SLC26A11: variants seen among roughly 807,000 people sequenced by gnomAD.
SLC26A11 encodes solute carrier family 26 member 11.
In SLC26A11, 58 loss-of-function variants were observed where a neutral mutation model predicts 62.2. That is an observed-to-expected ratio of 0.93 (90% CI 0.76 to 1.16). SLC26A11 has a LOEUF of 1.16. Ranked by LOEUF, SLC26A11 falls within the 50% of genes most tolerant of loss-of-function variation. SLC26A11 has a pLI of 0.00. For missense variants in SLC26A11, 790 were observed against 794.3 expected (o/e 0.99, Z 0.06); for synonymous variants, 411 against 368.9 (o/e 1.11, Z -1.31).
intron 10 of SLC26A11, among the ~76,000 whole-genome samples, chr17:80,244,107 G>A (rs932183889): frequency 2.0e-5 from 3 of 152,194 alleles, no homozygotes; most frequent in Admixed American, 6.5e-5. Flanking sequence ...AGGCCGAGCC[G>A]CCTTGAGAGC....
chr17:80,239,392 T>C (rs1161258632), intron 9 of SLC26A11, among the ~76,000 whole-genome samples: 1 of 91,912 alleles, frequency 1.1e-5, no homozygotes, highest in Non-Finnish European at 2.1e-5. Flanking sequence ...CAGTAATTTC[T>C]TTTTTTTTTT....
Position 80,228,830 on chromosome 17 carries a change from G to A in SLC26A11, c.736+870G>A, listed in dbSNP as rs1022171151. On this transcript the variant is annotated intron_variant, in intron 7 of 17. Coordinates refer to ENST00000361193, the MANE Select transcript of SLC26A11 (RefSeq NM_001166347.2). This position sits in a 1 kb window ranked among gnomAD's most constrained non-coding sequence, Gnocchi z 4.1. The stretch of plus-strand genomic sequence containing the variant: ...GGGGTACAACTTCAGCTTCAGGCGC[G>A]GAGGCTGCAGGCTGAGCCACAACCA... Among the ~76,000 whole-genome samples the A allele has an allele frequency of 3.3e-5, 5 of 152,208 alleles. No homozygotes were observed. The highest frequency in any genetic ancestry group is 6.5e-5 in the Admixed American group (1 of 15,284).
Position 80,246,474 on chromosome 17 carries a change from A to G in SLC26A11, c.1154-35A>G. On this transcript the variant is annotated intron_variant, in intron 12 of 17. Transcript: ENST00000361193. This position sits in a 1 kb window ranked among gnomAD's most constrained non-coding sequence, Gnocchi z 4.4. ...ACGCTGCGTGCTGGGGGGACCCTGC[A>G]CTCCCGAGGTCACCTGTGTTCCCGT... 1 of 1,603,934 alleles carries G rather than the reference A, an allele frequency of 6.2e-7. No homozygotes were observed. Among genetic ancestry groups the G allele is most frequent in the African/African-American group, 1.3e-5 (1 of 74,864 alleles).
Position 80,249,137 on chromosome 17 carries a change from C to G in SLC26A11, c.1523-17C>G. ...CTGCTCTGGGTGGCGTGACCTGGCT[C>G]GGGCCTGTCTCCCCAGTGTCCCCGC... On this transcript the variant is annotated splice_polypyrimidine_tract_variant and intron_variant, in intron 15 of 17. Coordinates refer to ENST00000361193, the MANE Select transcript of SLC26A11 (RefSeq NM_001166347.2). 6.2e-7 allele frequency: 1 copy of G among 1,600,506 alleles called. No homozygotes were observed. Among genetic ancestry groups the G allele is most frequent in the Non-Finnish European group, 8.5e-7 (1 of 1,178,314 alleles).
chr17:80,226,422 C>T (rs374863813), intron 6 of SLC26A11, among the ~76,000 whole-genome samples: 2 of 152,048 alleles, frequency 1.3e-5, no homozygotes, highest in East Asian at 1.9e-4. Context: ...CTCTGATGGC[C>T]GGACACTGTG....
rs1388229265 is a variant in SLC26A11, at chr17:80,228,406, T to C, written c.736+446T>C. ...CCTCGGCCTCCCGAAGTGCTGGGATTACAGGCATGAGCCACCGCCCCGACC... is the reference window on the plus strand; with the variant it reads ...CCTCGGCCTCCCGAAGTGCTGGGATCACAGGCATGAGCCACCGCCCCGACC... On this transcript the variant is annotated intron_variant, in intron 7 of 17. Coordinates refer to ENST00000361193, the MANE Select transcript of SLC26A11 (RefSeq NM_001166347.2). This position sits in a 1 kb window ranked among gnomAD's most constrained non-coding sequence, Gnocchi z 4.1. Among the ~76,000 whole-genome samples the C allele has an allele frequency of 6.6e-6, 1 of 152,214 alleles. No individual in the cohort carries two copies.
intron 7 of SLC26A11, among the ~76,000 whole-genome samples, chr17:80,233,504 A>G (rs1355389993): frequency 6.6e-6 from 1 of 151,132 alleles, no homozygotes; most frequent in South Asian, 2.1e-4. Flanking sequence ...CCAGATTTCC[A>G]TCTGGTATAA....
intron 10 of SLC26A11, among the ~76,000 whole-genome samples, chr17:80,244,105 C>T (rs1409144398): frequency 6.6e-6 from 1 of 152,260 alleles, no homozygotes; most frequent in Non-Finnish European, 1.5e-5. Flanking sequence ...CCAGGCCGAG[C>T]CGCCTTGAGA....
intron 3 of SLC26A11, 57 bp downstream of exon 3, chr17:80,221,851 T>C (rs2042214386): frequency 6.7e-7 from 1 of 1,500,456 alleles, no homozygotes; most frequent in Non-Finnish European, 9.0e-7. Context: ...GAATACACAG[T>C]ATCAATCCCA....
At position 80,221,611 on chromosome 17, in the gene SLC26A11, G is replaced by A. The variant is rs2144852219; in HGVS notation, c.51G>A (p.Gly17=). The change falls in exon 3 of 18, where the codon GGG becomes GGA. Residue 17 remains glycine (G), a synonymous_variant. Transcript: ENST00000361193. The part of the protein sequence containing the change: ...ALGQARSSGP[G]MAPSACCCSP... ...GTCAGGCCAGGTCCTCTGGCCCCGG[G>A]ATGGCCCCGAGCGCCTGCTGCTGCT... The A allele has an allele frequency of 6.2e-7, 1 of 1,608,368 alleles. No homozygotes were observed. Among genetic ancestry groups the A allele is most frequent in the Non-Finnish European group, 8.5e-7 (1 of 1,179,656 alleles).
At position 80,249,250 on chromosome 17, in the gene SLC26A11, A is replaced by G; in HGVS notation, c.1619A>G (p.Gln540Arg). 1 of 1,611,584 alleles carries G rather than the reference A, an allele frequency of 6.2e-7. No homozygotes were observed. The highest frequency in any genetic ancestry group is 8.5e-7 in the Non-Finnish European group (1 of 1,180,000). The change falls in exon 16 of 18, where the codon CAG becomes CGG. Residue 540 changes from glutamine (Q) to arginine (R), a missense_variant. By Grantham distance (43) the Gln-to-Arg change is conservative. Coordinates refer to ENST00000361193, the MANE Select transcript of SLC26A11 (RefSeq NM_001166347.2). ...CTCGGCGAGCTCCTCCAGGACTTCC[A>G]GAAGCAGGGCGTCGCCCTGGCCTTT... ...LGLGELLQDF[Q>R]KQGVALAFVG...
intron 10 of SLC26A11, among the ~76,000 whole-genome samples, chr17:80,244,899 T>G (rs997626702): frequency 7.5e-6 from 1 of 133,342 alleles, no homozygotes; most frequent in African/African-American, 2.9e-5. Flanking sequence ...TCGCTTGAAC[T>G]GGGAGGCGGA....
intron 7 of SLC26A11, among the ~76,000 whole-genome samples, chr17:80,229,708 G>A (rs562280941): frequency 1.3e-5 from 2 of 152,238 alleles, no homozygotes; most frequent in East Asian, 3.9e-4. Context: ...GAGATTATAG[G>A]CGTGAGCCAC....
intron 1 of SLC26A11, 35 bp downstream of exon 1, chr17:80,220,531 A>G (rs1293900007): frequency 4.7e-6 from 2 of 427,338 alleles, no homozygotes; most frequent in Non-Finnish European, 8.1e-6. Context: ...GCGAGCGGGG[A>G]CCAGGGGCAG....
At chr17:80,227,626 T>C (rs2042446451) in intron 6 of SLC26A11, among the ~76,000 whole-genome samples, 192 bp from the exon 7 acceptor site, 1 of 152,244 alleles carries the variant, frequency 6.6e-6, no homozygotes, top group Admixed American at 6.5e-5. Context: ...GTTAAGTGTC[T>C]GTGAAATGGT....
chr17:80,243,040 A>AATGGTGGG (rs1333135400), intron 10 of SLC26A11, among the ~76,000 whole-genome samples: 2 of 152,282 alleles, frequency 1.3e-5, no homozygotes, highest in African/African-American at 2.4e-5. Flanking sequence ...ATCATAACTA[A>AATGGTGGG]ATGGTGGGTC....
At position 80,222,429 on chromosome 17, in the gene SLC26A11, C is replaced by T. The variant is rs9912360; in HGVS notation, c.235-226C>T. ...GACTTGGACACAGCACACGGGCCTG[C>T]ACCGACCCCTCTGCCTGGCTGTCTG... On this transcript the variant is annotated intron_variant, in intron 3 of 17. Coordinates refer to ENST00000361193, the MANE Select transcript of SLC26A11 (RefSeq NM_001166347.2). This position sits in a 1 kb window ranked among gnomAD's most constrained non-coding sequence, Gnocchi z 4.7. 240,760 of 572,898 alleles carry T rather than the reference C, an allele frequency of 0.42. 53,465 individuals are homozygous for T. Among genetic ancestry groups the T allele is most frequent in the African/African-American group, 0.64 (33,837 of 52,988 alleles). The allele number at this position is 572,898 out of a possible 1,614,324, so 35.5% of individuals were successfully genotyped here. A position where few individuals can be genotyped will look rare whatever the true frequency, so the allele number is the denominator to read the frequency against.
At chr17:80,221,273 A>C (rs769205791) in intron 2 of SLC26A11, 158 bp downstream of exon 2, 1 of 428,678 alleles carries the variant, frequency 2.3e-6, no homozygotes, top group African/African-American at 2.0e-5. Context: ...TCAGTTTCTT[A>C]TCTGGGAGAG....
At position 80,242,528 on chromosome 17, in the gene SLC26A11, T is replaced by C. The variant is rs559596590; in HGVS notation, c.1036+707T>C. ...GGGGGAATCGAGAGGAGTCTTCTGA[T>C]TGTGCCCGCACCCTGCCCTGTGCCT... On this transcript the variant is annotated intron_variant, in intron 10 of 17. Coordinates refer to ENST00000361193, the MANE Select transcript of SLC26A11 (RefSeq NM_001166347.2). Among the ~76,000 whole-genome samples, 55 of 152,266 alleles carry C rather than the reference T, an allele frequency of 3.6e-4. No individual in the cohort carries two copies. The South Asian group carries it at 6.4e-3, about 18-fold the overall frequency.
Sources: gnomAD v4.1 joint callset for allele counts (sites outside exome capture counted in the v4.1 genomes callset) on GRCh38, gnomAD v4.1.1 for gene constraint, Gnocchi (gnomAD v3.1) non-coding constraint, MANE v1.5 for transcripts, NCBI Gene and HGNC (gene_info 2026-07-23, HGNC 2026-07-21) for gene names.